NDST4: variants seen among roughly 807,000 people sequenced by gnomAD.
The protein encoded by NDST4 is N-deacetylase and N-sulfotransferase 4, also known as N-heparan sulfate sulfotransferase 4.
NDST4 carries 63 observed loss-of-function variants against 100.8 expected under a neutral mutation model. The ratio of observed to expected loss-of-function variants is 0.62; its 90% CI spans 0.51 to 0.77. The LOEUF is 0.77. Ranked by LOEUF, NDST4 falls within the 30% of genes least tolerant of loss-of-function variation. The probability of loss-of-function intolerance (pLI) is 0.00; values close to 1 mark genes in which losing one functional copy is unlikely to be tolerated. For missense variants in NDST4, 943 were observed against 1,018.4 expected (o/e 0.93, Z 1.01); for synonymous variants, 377 against 361.8 (o/e 1.04, Z -0.48).
At chr4:114,837,738 A>G (rs551645173) in intron 11 of NDST4, among the ~76,000 whole-genome samples, 209 of 152,340 alleles carry the variant, frequency 1.4e-3, no homozygotes, top group African/African-American at 4.6e-3. Flanking sequence ...AAGAAAACCT[A>G]GGCAATACCA....
intron 4 of NDST4, among the ~76,000 whole-genome samples, chr4:114,939,152 A>T (rs901971632): frequency 1.3e-5 from 2 of 152,206 alleles, no homozygotes; most frequent in Non-Finnish European, 1.5e-5. Flanking sequence ...ATGAGTGGTC[A>T]CAAAGTGTTT....
At chr4:114,906,437 A>G (rs1342782097) in intron 6 of NDST4, among the ~76,000 whole-genome samples, 1 of 151,940 alleles carries the variant, frequency 6.6e-6, no homozygotes, top group Non-Finnish European at 1.5e-5. Context: ...AGCATTCTCT[A>G]GTAACATACT....
chr4:114,986,512 C>T (rs563728634), intron 2 of NDST4, among the ~76,000 whole-genome samples: 52 of 152,042 alleles, frequency 3.4e-4, no homozygotes, highest in African/African-American at 1.2e-3. Context: ...AGAAAATTTC[C>T]TTAAGAATGC....
chr4:114,960,036 G>A (rs1201840159), intron 4 of NDST4, among the ~76,000 whole-genome samples: 4 of 152,096 alleles, frequency 2.6e-5, no homozygotes, highest in South Asian at 2.1e-4. Context: ...CTTGAAAGTC[G>A]CAAAAGAACT....
chr4:114,905,087 T>TCTTCATCTACC (rs1219831208), intron 6 of NDST4, among the ~76,000 whole-genome samples: 2 of 151,440 alleles, frequency 1.3e-5, no homozygotes, highest in Non-Finnish European at 3.0e-5. Flanking sequence ...GAATCCTCTT[T>TCTTCATCTACC]CTTCATCTAC....
intron 4 of NDST4, among the ~76,000 whole-genome samples, chr4:114,950,245 T>A (rs140788711): frequency 1.0e-3 from 155 of 152,174 alleles, no homozygotes; most frequent in African/African-American, 3.7e-3. Context: ...AATCGATTTA[T>A]TATTTCTTTC....
chr4:114,904,227 A>T (rs1260596488), intron 6 of NDST4, among the ~76,000 whole-genome samples: 1 of 151,978 alleles, frequency 6.6e-6, no homozygotes, highest in Non-Finnish European at 1.5e-5. Flanking sequence ...CAAGCAATAT[A>T]CATTTTTTAA....
chr4:115,080,098 G>T (rs2126291110), intron 1 of NDST4, among the ~76,000 whole-genome samples: 1 of 152,074 alleles, frequency 6.6e-6, no homozygotes, highest in Non-Finnish European at 1.5e-5. Flanking sequence ...CCACATGTTG[G>T]GGAATTACTA....
chr4:114,863,008 T>C (rs1231389636), intron 7 of NDST4, among the ~76,000 whole-genome samples: 1 of 152,164 alleles, frequency 6.6e-6, no homozygotes, highest in Non-Finnish European at 1.5e-5. Context: ...TGTTTTCACC[T>C]CTTTTCCTGG....
At chr4:114,846,301 A>G (rs891655044) in intron 9 of NDST4, among the ~76,000 whole-genome samples, 3 of 152,206 alleles carry the variant, frequency 2.0e-5, no homozygotes, top group Non-Finnish European at 4.4e-5. Flanking sequence ...AATTCCAGAA[A>G]TACTATTTGC....
At chr4:114,974,812 A>T (rs1192844601) in intron 3 of NDST4, among the ~76,000 whole-genome samples, 1 of 152,134 alleles carries the variant, frequency 6.6e-6, no homozygotes, top group African/African-American at 2.4e-5. Flanking sequence ...GAAAGAATAC[A>T]TGAGAAATAC....
At chr4:115,022,479 CATATATATGTTCCATAT>C (rs1560570272) in intron 2 of NDST4, among the ~76,000 whole-genome samples, 30 of 137,480 alleles carry the variant, frequency 2.2e-4, no homozygotes, top group East Asian at 6.1e-4. Flanking sequence ...ATATGTGTTC[CATATATATGTTCCATAT>C]ATATATATGT....
intron 2 of NDST4, among the ~76,000 whole-genome samples, chr4:115,073,983 A>G (rs1432163673): frequency 1.3e-5 from 2 of 151,924 alleles, no homozygotes; most frequent in East Asian, 3.9e-4. Context: ...AATAACAACA[A>G]AAGAGGCAGT....
intron 2 of NDST4, among the ~76,000 whole-genome samples, chr4:115,041,812 A>G (rs1728357837): frequency 6.6e-6 from 1 of 152,068 alleles, no homozygotes; most frequent in African/African-American, 2.4e-5. Context: ...TACATTCAGG[A>G]AAGACTATAT....
At chr4:115,086,331 T>A (rs139075590) in intron 1 of NDST4, among the ~76,000 whole-genome samples, 1,685 of 152,166 alleles carry the variant, frequency 0.011, 13 homozygotes, top group African/African-American at 0.02. Context: ...AAGTAATGAG[T>A]AATTGTTATA....
intron 6 of NDST4, among the ~76,000 whole-genome samples, chr4:114,933,438 T>TC (rs1395535232): frequency 1.4e-5 from 2 of 138,726 alleles, no homozygotes; most frequent in Non-Finnish European, 3.0e-5. Flanking sequence ...TTTCCTTTTT[T>TC]TTTTTTTTTT....
At chr4:114,873,471 A>G (rs1263554319) in intron 6 of NDST4, among the ~76,000 whole-genome samples, 1 of 151,888 alleles carries the variant, frequency 6.6e-6, no homozygotes, top group Admixed American at 6.6e-5. Flanking sequence ...TAAAATCATT[A>G]TATCAACTAA....
At chr4:114,893,579 T>C (rs928941992) in intron 6 of NDST4, among the ~76,000 whole-genome samples, 9 of 152,010 alleles carry the variant, frequency 5.9e-5, no homozygotes, top group African/African-American at 2.2e-4. Context: ...TTTGTCCACT[T>C]TCTGATGTGT....
intron 2 of NDST4, among the ~76,000 whole-genome samples, chr4:115,011,073 C>T (rs1365658142): frequency 1.3e-5 from 2 of 151,886 alleles, no homozygotes; most frequent in African/African-American, 4.8e-5. Flanking sequence ...TCCCACAATT[C>T]CCACAATACC....
Sources: gnomAD v4.1 joint callset for allele counts (sites outside exome capture counted in the v4.1 genomes callset) on GRCh38, gnomAD v4.1.1 for gene constraint, MANE v1.5 for transcripts, NCBI Gene and HGNC (gene_info 2026-07-23, HGNC 2026-07-21) for gene names.